The following LRRC39 variants were observed in gnomAD, a reference collection of about 807,000 sequenced individuals.
LRRC39 encodes the protein leucine-rich repeat-containing protein 39.
Under a neutral mutation model 39.7 loss-of-function variants are expected in LRRC39, and 35 were observed. The observed-to-expected ratio is 0.88, with a 90% CI of 0.67 to 1.17. LRRC39 has a LOEUF of 1.17. LRRC39 is among the 50% of genes most tolerant of loss of function. LRRC39 has a pLI of 0.00. For synonymous variants in LRRC39, 113 were observed against 134.1 expected (o/e 0.84, Z 1.09); for missense variants, 357 against 385.8 (o/e 0.93, Z 0.62).
upstream of LRRC39, among the ~76,000 whole-genome samples, chr1:100,178,809 C>CA (rs1328409537): frequency 2.0e-5 from 3 of 152,080 alleles, no homozygotes; most frequent in Admixed American, 2.0e-4. Flanking sequence ...AAAGCTCAAT[C>CA]TCCACTCTCT....
At position 100,156,299 on chromosome 1, in the gene LRRC39, G is replaced by C. The variant is rs1331397563; in HGVS notation, c.532C>G (p.Leu178Val). The change falls in exon 7 of 10, where the codon CTT (leucine) becomes GTT (valine). Residue 178 changes from leucine (L) to valine (V), a missense_variant. Coordinates refer to ENST00000370137, the MANE Select transcript of LRRC39 (RefSeq NM_144620.4). ...LPQELSNLLKLTHLDLSMNDF... is the reference protein window; with the variant it reads ...LPQELSNLLKVTHLDLSMNDF... ...TTCATACTCAGATCAAGGTGAGTAA[G>C]TTTTAGCAGATTGCTGAGCTGAAGA... 6.2e-7 allele frequency: 1 copy of C among 1,609,448 alleles called. No individual in the cohort carries two copies. Among genetic ancestry groups the C allele is most frequent in the South Asian group, 1.1e-5 (1 of 90,360 alleles).
At chr1:100,157,460 C>G (rs191907451) in intron 6 of LRRC39, among the ~76,000 whole-genome samples, 2 of 152,272 alleles carry the variant, frequency 1.3e-5, no homozygotes, top group African/African-American at 4.8e-5. Context: ...GTTACCCAGT[C>G]TTGAGTATGT....
intron 4 of LRRC39, among the ~76,000 whole-genome samples, 189 bp from the exon 5 acceptor site, chr1:100,159,604 TC>T (rs780137676): frequency 1.6e-4 from 18 of 109,886 alleles, no homozygotes; most frequent in African/African-American, 2.1e-4. Flanking sequence ...TTTTTTCTTT[TC>T]CTTTTTTTTT....
At chr1:100,153,765 T>G (rs1658241664) in intron 8 of LRRC39, among the ~76,000 whole-genome samples, 1 of 152,112 alleles carries the variant, frequency 6.6e-6, no homozygotes, top group Non-Finnish European at 1.5e-5. Flanking sequence ...TTGTTTGTTT[T>G]TGTTTTGTTT....
At chr1:100,167,448 A>G (rs371476051) in intron 3 of LRRC39, among the ~76,000 whole-genome samples, 6 of 152,180 alleles carry the variant, frequency 3.9e-5, no homozygotes, top group East Asian at 1.9e-4. Flanking sequence ...GCTAACTGAC[A>G]TCGGCAAATA....
At position 100,173,324 on chromosome 1, in the gene LRRC39, T is replaced by C. The variant is rs796348248; in HGVS notation, c.-79+7A>G. ...TTTATTCCAGAGATTAAGATTTGTT[T>C]GCTTACCTTTGTTTGAGAAATCAAT... is the stretch of plus-strand genomic sequence containing the variant. On this transcript the variant is annotated splice_region_variant and intron_variant, in intron 2 of 9. Transcript: ENST00000370137. 6.6e-6 allele frequency: 1 copy of C among 152,094 alleles called. No homozygotes were observed. The highest frequency in any genetic ancestry group is 2.4e-5 in the African/African-American group (1 of 41,464). The allele number at this position is 152,094 out of a possible 1,614,324, so 9.4% of individuals were successfully genotyped here. A position where few individuals can be genotyped will look rare whatever the true frequency, so the allele number is the denominator to read the frequency against.
intron 9 of LRRC39, chr1:100,149,383 C>T: frequency 6.5e-7 from 1 of 1,545,812 alleles, no homozygotes; most frequent in Non-Finnish European, 8.7e-7. Flanking sequence ...TTTCCAGAGC[C>T]ATACATGTAT....
chr1:100,152,342 C>A, intron 9 of LRRC39, 43 bp downstream of exon 9: 1 of 1,585,950 alleles, frequency 6.3e-7, no homozygotes, highest in Non-Finnish European at 8.6e-7. Flanking sequence ...ACACATTACT[C>A]TACCAAAAAA....
chr1:100,156,273 G>T lies in LRRC39; in HGVS notation c.558C>A (p.Asn186Lys), dbSNP rs760926457. The T allele has an allele frequency of 6.2e-7, 1 of 1,613,478 alleles. No individual in the cohort carries two copies. The highest frequency in any genetic ancestry group is 1.7e-5 in the Admixed American group (1 of 60,004). The change falls in exon 7 of 10, where the codon AAC becomes AAA. Residue 186 changes from asparagine to lysine, a missense_variant. Physicochemically the swap from Asn to Lys is moderately conservative, Grantham distance 94. Coordinates refer to ENST00000370137, the MANE Select transcript of LRRC39 (RefSeq NM_144620.4). ...LKLTHLDLSM[N>K]DFTTIPLAVL... ...CAGCAAGAGGGATTGTAGTAAAATC[G>T]TTCATACTCAGATCAAGGTGAGTAA...
At chr1:100,153,388 C>A (rs1358033920) in intron 8 of LRRC39, among the ~76,000 whole-genome samples, 1 of 151,958 alleles carries the variant, frequency 6.6e-6, no homozygotes, top group Non-Finnish European at 1.5e-5. Context: ...TGGACATTGG[C>A]CTAGGCAAAG....
intron 3 of LRRC39, among the ~76,000 whole-genome samples, chr1:100,164,855 G>C (rs1659135777): frequency 1.3e-5 from 2 of 151,942 alleles, no homozygotes; most frequent in African/African-American, 2.4e-5. Context: ...GACTACAGGT[G>C]CATGCCACCA....
chr1:100,148,745 C>A lies in LRRC39; in HGVS notation c.*297G>T, dbSNP rs1180004634. On this transcript the variant is annotated 3_prime_UTR_variant, in exon 10 of 10. Coordinates refer to ENST00000370137, the MANE Select transcript of LRRC39 (RefSeq NM_144620.4). ...GTCCTGCTTTGCAGTACTATACAGA[C>A]CCTCTGGTGTCTTTGGAAAATGTTT... 1 of 1,581,710 alleles carries A rather than the reference C, an allele frequency of 6.3e-7. No individual in the cohort carries two copies. Among genetic ancestry groups the A allele is most frequent in the Non-Finnish European group, 8.6e-7 (1 of 1,167,328 alleles).
chr1:100,156,905 G>C (rs1347111441), intron 6 of LRRC39, among the ~76,000 whole-genome samples: 2 of 151,880 alleles, frequency 1.3e-5, no homozygotes, highest in Non-Finnish European at 2.9e-5. Context: ...GAATTGCTTG[G>C]GCCCAGGAGG....
At position 100,149,066 on chromosome 1, in the gene LRRC39, TGGTAAAGTAG is replaced by T. The variant is rs1557918419; in HGVS notation, c.974_983del (p.Thr325LysfsTer4). On this transcript the variant is annotated frameshift_variant, in exon 10 of 10. Transcript: ENST00000370137. LOFTEE classifies it high-confidence loss of function. ...ATTATCCATCCGTATTTATGGAGAT[TGGTAAAGTAG>T]TTGAACCGTTGACTTGGTGATCTGA... 7 of 1,601,674 alleles carry T rather than the reference TGGTAAAGTAG, an allele frequency of 4.4e-6. No individual in the cohort carries two copies.
At chr1:100,149,520 A>G (rs1174508021) in intron 9 of LRRC39, 4 of 1,279,498 alleles carry the variant, frequency 3.1e-6, no homozygotes, top group Non-Finnish European at 4.3e-6. Flanking sequence ...ATACTTACAA[A>G]CATAATTCAC....
chr1:100,175,140 T>C (rs1026518089), intron 1 of LRRC39, among the ~76,000 whole-genome samples: 1 of 151,934 alleles, frequency 6.6e-6, no homozygotes. Context: ...CAGTTAAACC[T>C]CTTTTCTTTG....
At chr1:100,153,632 G>T (rs904312299) in intron 8 of LRRC39, among the ~76,000 whole-genome samples, 6 of 152,022 alleles carry the variant, frequency 3.9e-5, no homozygotes, top group Admixed American at 2.0e-4. Flanking sequence ...GACATGAACA[G>T]ACATTTCCCA....
intron 9 of LRRC39, chr1:100,150,522 A>G (rs1006264990): frequency 2.6e-4 from 39 of 152,326 alleles, no homozygotes; most frequent in African/African-American, 8.9e-4. Context: ...GTTTGATAAA[A>G]TATACATACA....
rs755918362 is a variant in LRRC39 at position 100,152,122 on chromosome 1, T to C, written c.952+263A>G. ...GTAGCAAAGCTTTAAGAATCATGTC[T>C]TCACTCACTTGGTTTTACTTCAGAT... is the stretch of plus-strand genomic sequence containing the variant. On this transcript the variant is annotated intron_variant, in intron 9 of 9. Transcript: ENST00000370137. 5.7e-4 allele frequency among the ~76,000 whole-genome samples: 87 copies of C among 152,220 alleles called. No homozygotes were observed. Among genetic ancestry groups the C allele is most frequent in the Non-Finnish European group, 8.4e-4 (57 of 68,038 alleles).
Sources: gnomAD v4.1 joint callset for allele counts (sites outside exome capture counted in the v4.1 genomes callset) on GRCh38, gnomAD v4.1.1 for gene constraint, MANE v1.5 for transcripts, NCBI Gene and HGNC (gene_info 2026-07-23, HGNC 2026-07-21) for gene names.